SGCZ: variants seen among roughly 807,000 people sequenced by gnomAD.
SGCZ encodes sarcoglycan zeta, also known as zeta-sarcoglycan.
SGCZ carries 40 observed loss-of-function variants against 41.3 expected under a neutral mutation model. The observed-to-expected ratio is 0.97, with a 90% confidence interval of 0.75 to 1.26. The LOEUF is 1.26. Among genes scored for constraint, SGCZ ranks in the 50% most tolerant of loss-of-function variants. The pLI is 0.00. For synonymous variants in SGCZ, 206 were observed against 137.5 expected (o/e 1.50, Z -3.49); for missense variants, 552 against 369.8 (o/e 1.49, Z -4.04).
intron 1 of SGCZ, among the ~76,000 whole-genome samples, chr8:14,974,629 C>G (rs1801405480): frequency 6.6e-6 from 1 of 152,034 alleles, no homozygotes; most frequent in Non-Finnish European, 1.5e-5. Context: ...TTTTGAAGCT[C>G]CCCAGCATGT....
intron 1 of SGCZ, among the ~76,000 whole-genome samples, chr8:14,873,157 A>G (rs1804228364): frequency 6.6e-6 from 1 of 152,102 alleles, no homozygotes; most frequent in Admixed American, 6.6e-5. Flanking sequence ...AGTGGTGAAC[A>G]TAGTTATCAG....
intron 4 of SGCZ, among the ~76,000 whole-genome samples, chr8:14,202,895 T>C (rs534278543): frequency 6.6e-6 from 1 of 152,298 alleles, no homozygotes; most frequent in Admixed American, 6.5e-5. Flanking sequence ...ACTCCGACAA[T>C]TCCCACATCT....
intron 1 of SGCZ, among the ~76,000 whole-genome samples, chr8:14,832,475 C>T (rs1802565185): frequency 6.6e-6 from 1 of 151,790 alleles, no homozygotes; most frequent in Non-Finnish European, 1.5e-5. Flanking sequence ...TTTTCTACCA[C>T]CGTATCTAAG....
chr8:14,554,662 A>C, intron 2 of SGCZ, 70 bp downstream of exon 2: 1 of 1,288,002 alleles, frequency 7.8e-7, no homozygotes, highest in Non-Finnish European at 1.1e-6. Context: ...TTGATTAAAA[A>C]ATTAAAGTAA....
At chr8:14,717,589 A>T (rs2249788) in intron 1 of SGCZ, among the ~76,000 whole-genome samples, 124,753 of 152,012 alleles carry the variant, frequency 0.82, 51,571 homozygotes, top group African/African-American at 0.94. Flanking sequence ...GGGTATGCAA[A>T]CTGTACGGAG....
chr8:14,181,038 A>C (rs1265204696), intron 4 of SGCZ, among the ~76,000 whole-genome samples: 1 of 152,182 alleles, frequency 6.6e-6, no homozygotes, highest in African/African-American at 2.4e-5. Context: ...GAATTTAGCA[A>C]GCGGCTATTA....
At chr8:14,803,337 G>C (rs1329043835) in intron 1 of SGCZ, among the ~76,000 whole-genome samples, 1 of 152,104 alleles carries the variant, frequency 6.6e-6, no homozygotes, top group Non-Finnish European at 1.5e-5. Context: ...TCACTAGGGA[G>C]TGCCAGACAG....
chr8:14,474,642 A>T (rs1801308238), intron 2 of SGCZ, among the ~76,000 whole-genome samples: 1 of 152,218 alleles, frequency 6.6e-6, no homozygotes, highest in African/African-American at 2.4e-5. Flanking sequence ...AAAATTTTTT[A>T]AAAATACTTT....
At chr8:14,649,366 T>C (rs999159933) in intron 1 of SGCZ, among the ~76,000 whole-genome samples, 1 of 152,094 alleles carries the variant, frequency 6.6e-6, no homozygotes, top group Non-Finnish European at 1.5e-5. Context: ...CCAGATAATA[T>C]TGCTTCCCTA....
At chr8:14,157,659 G>C (rs887861995) in intron 5 of SGCZ, among the ~76,000 whole-genome samples, 5 of 151,892 alleles carry the variant, frequency 3.3e-5, no homozygotes, top group African/African-American at 1.2e-4. Context: ...AATGTGAATT[G>C]TATATTCACT....
At chr8:15,080,352 C>A (rs2131043323) in intron 1 of SGCZ, among the ~76,000 whole-genome samples, 1 of 152,196 alleles carries the variant, frequency 6.6e-6, no homozygotes, top group South Asian at 2.1e-4. Context: ...AACCTACATG[C>A]ACTCAGCGTC....
chr8:14,427,558 T>A (rs1381451748), intron 2 of SGCZ, among the ~76,000 whole-genome samples: 4 of 152,230 alleles, frequency 2.6e-5, no homozygotes, highest in African/African-American at 9.6e-5. Context: ...GAGATTAGAA[T>A]CTTTGTGTGG....
At chr8:14,180,787 CTG>C (rs1386290375) in intron 4 of SGCZ, among the ~76,000 whole-genome samples, 3 of 152,038 alleles carry the variant, frequency 2.0e-5, no homozygotes, top group African/African-American at 7.2e-5. Flanking sequence ...GGTGGCCAGA[CTG>C]TGCTCCTGAG....
chr8:14,850,364 T>C (rs1803271228), intron 1 of SGCZ, among the ~76,000 whole-genome samples: 1 of 152,072 alleles, frequency 6.6e-6, no homozygotes, highest in Non-Finnish European at 1.5e-5. Flanking sequence ...AAAGAAACAT[T>C]AGCATACAGT....
At chr8:14,704,125 T>C (rs923058894) in intron 1 of SGCZ, among the ~76,000 whole-genome samples, 1 of 152,022 alleles carries the variant, frequency 6.6e-6, no homozygotes, top group African/African-American at 2.4e-5. Flanking sequence ...ATCCAGCACA[T>C]ATTCTGACAT....
intron 5 of SGCZ, among the ~76,000 whole-genome samples, chr8:14,163,788 T>G (rs1804121976): frequency 6.6e-6 from 1 of 152,160 alleles, no homozygotes; most frequent in South Asian, 2.1e-4. Context: ...CCCAAATTAA[T>G]ATGGATAGAT....
intron 1 of SGCZ, among the ~76,000 whole-genome samples, chr8:15,236,864 G>C (rs1563200596): frequency 6.6e-6 from 1 of 152,002 alleles, no homozygotes; most frequent in Non-Finnish European, 1.5e-5. Flanking sequence ...TGTGCGGCCG[G>C]AGCCTCCGCA....
chr8:14,101,673 C>G (rs182598714), intron 7 of SGCZ, among the ~76,000 whole-genome samples: 1 of 142,902 alleles, frequency 7.0e-6, no homozygotes, highest in Admixed American at 7.0e-5. Context: ...AACAGTAAAA[C>G]TTTTGTTTTC....
chr8:14,134,514 G>T (rs1280119624), intron 5 of SGCZ, among the ~76,000 whole-genome samples: 1 of 152,146 alleles, frequency 6.6e-6, no homozygotes, highest in African/African-American at 2.4e-5. Flanking sequence ...CTGTGTCTGA[G>T]GAAATTGGCA....
Sources: allele counts gnomAD v4.1 joint callset (sites outside exome capture counted in the v4.1 genomes callset), GRCh38; gene constraint gnomAD v4.1.1; transcripts MANE v1.5; gene names NCBI Gene and HGNC (gene_info 2026-07-23, HGNC 2026-07-21).